SLC26A2: variants seen among roughly 807,000 people sequenced by gnomAD.
SLC26A2 encodes solute carrier family 26 member 2, also known as sulfate transporter.
In SLC26A2, 36 loss-of-function variants were observed where a neutral mutation model predicts 41.1. The observed-to-expected ratio is 0.88, with a 90% CI of 0.67 to 1.16. The LOEUF is 1.16. Among genes scored for constraint, SLC26A2 ranks in the 50% most tolerant of loss-of-function variants. The pLI is 0.00. For synonymous variants in SLC26A2, 291 were observed against 311.6 expected, an observed-to-expected ratio of 0.93 and a Z score of 0.70; for missense variants, 796 against 869.6, an observed-to-expected ratio of 0.92 and a Z score of 1.07.
chr5:149,960,881 G>A lies in SLC26A2; in HGVS notation c.-124G>A, dbSNP rs921669855. 1 of 152,326 alleles carries A rather than the reference G, an allele frequency of 6.6e-6. No homozygotes were observed. The highest frequency in any genetic ancestry group is 2.4e-5 in the African/African-American group (1 of 41,466). 9.4% of individuals were successfully genotyped at this position (152,326 alleles called of 1,614,324 possible). ...GATGGGCGGGGAAAGGGACAGGCAG[G>A]TATAGCTCTGTCGGCGCCGCGGTGT... is the stretch of plus-strand genomic sequence containing the variant. On this transcript the variant is annotated 5_prime_UTR_variant, in exon 1 of 3. Coordinates refer to ENST00000286298, the MANE Select transcript of SLC26A2 (RefSeq NM_000112.4).
chr5:149,961,450 C>T (rs1458864056), intron 1 of SLC26A2, among the ~76,000 whole-genome samples: 3 of 152,194 alleles, frequency 2.0e-5, no homozygotes, highest in African/African-American at 7.2e-5. Flanking sequence ...AGGACCTGTT[C>T]TTTCGGACTC....
chr5:149,971,600 A>G (rs138277068), intron 1 of SLC26A2, among the ~76,000 whole-genome samples: 1 of 151,698 alleles, frequency 6.6e-6, no homozygotes, highest in Non-Finnish European at 1.5e-5. Flanking sequence ...GGTTTTCATC[A>G]TGTTGCCCAG....
Position 149,977,956 on chromosome 5 carries a change from T to C in SLC26A2, c.304T>C (p.Tyr102His). Residue 102 changes from tyrosine to histidine, a missense_variant, in exon 2 of 3, where the codon TAC (tyrosine) becomes CAC (histidine). Coordinates refer to ENST00000286298, the MANE Select transcript of SLC26A2 (RefSeq NM_000112.4). ...TCCTGTTTTGCAGTGGCTCCCAAAA[T>C]ACGACCTAAAGAAAAACATTTTAGG... The part of the protein sequence containing the change: ...FLPVLQWLPK[Y>H]DLKKNILGDV... 6.2e-7 allele frequency: 1 copy of C among 1,614,226 alleles called. No homozygotes were observed.
chr5:149,980,868 TATC>T lies in SLC26A2; in HGVS notation c.1279_1281del (p.Ile427del), dbSNP rs1174821568. On this transcript the variant is annotated inframe_deletion, in exon 3 of 3. Transcript: ENST00000286298. ...AAATGTATGCCATTGGCTTTTGTAA[TATC>T]ATCCCTTCCTTCTTCCACTGTTTTA... 2 of 1,614,144 alleles carry T rather than the reference TATC, an allele frequency of 1.2e-6. No homozygotes were observed. Among genetic ancestry groups the T allele is most frequent in the East Asian group, 4.5e-5 (2 of 44,890 alleles).
intron 1 of SLC26A2, among the ~76,000 whole-genome samples, chr5:149,962,576 C>A (rs1322869159): frequency 6.6e-6 from 1 of 152,136 alleles, no homozygotes; most frequent in Non-Finnish European, 1.5e-5. Context: ...TGAGCTCAAG[C>A]AATCCTCCTG....
At chr5:149,975,896 G>T (rs549945909) in intron 1 of SLC26A2, among the ~76,000 whole-genome samples, 28 of 152,152 alleles carry the variant, frequency 1.8e-4, no homozygotes, top group Admixed American at 6.5e-4. Context: ...AGTGGCTCGT[G>T]CCTGTTATCC....
At chr5:149,968,134 T>C (rs1420854696) in intron 1 of SLC26A2, among the ~76,000 whole-genome samples, 3 of 152,214 alleles carry the variant, frequency 2.0e-5, no homozygotes, top group Non-Finnish European at 2.9e-5. Context: ...ATATTCCATT[T>C]TATGGTTATA....
At position 149,981,995 on chromosome 5, in the gene SLC26A2, C is replaced by G. The variant is rs770082455; in HGVS notation, c.*182C>G. The G allele has an allele frequency of 2.5e-5, 15 of 590,502 alleles. No homozygotes were observed. Among genetic ancestry groups the G allele is most frequent in the Non-Finnish European group, 3.9e-5 (13 of 336,312 alleles). 36.6% of individuals were successfully genotyped at this position (590,502 alleles called of 1,614,324 possible). Reference sequence around the variant, plus strand: ...CACTGCAGCAGAGCTTGTAGCTGGACAGAGTCAAAAAGAAGAAAATACGGT... The same window carrying G: ...CACTGCAGCAGAGCTTGTAGCTGGAGAGAGTCAAAAAGAAGAAAATACGGT... On this transcript the variant is annotated 3_prime_UTR_variant, in exon 3 of 3. Coordinates refer to ENST00000286298, the MANE Select transcript of SLC26A2 (RefSeq NM_000112.4).
rs1191002822 is a variant in SLC26A2 at position 149,982,357 on chromosome 5, TAGGAA to T, written c.*547_*551del. 1.3e-5 allele frequency: 2 copies of T among 153,192 alleles called. No homozygotes were observed. Among genetic ancestry groups the T allele is most frequent in the Admixed American group, 1.3e-4 (2 of 15,432 alleles). The allele number at this position is 153,192 out of a possible 1,614,324, so 9.5% of individuals were successfully genotyped here. A position where few individuals can be genotyped will look rare whatever the true frequency, so the allele number is the denominator to read the frequency against. On this transcript the variant is annotated 3_prime_UTR_variant, in exon 3 of 3. Transcript: ENST00000286298. ...CTCCCCAGATGGCAGTAGTTTTTAG[TAGGAA>T]AGTGCCATTCCTGTCCTTAAGGCAC...
chr5:149,978,465 G>A (rs1220578350), intron 2 of SLC26A2, 114 bp downstream of exon 2: 1 of 976,442 alleles, frequency 1.0e-6, no homozygotes, highest in African/African-American at 1.6e-5. Context: ...TTTATTGAGA[G>A]TTCAGGATAT....
chr5:149,981,324 C>A lies in SLC26A2; in HGVS notation c.1731C>A (p.Gly577=). 6.2e-7 allele frequency: 1 copy of A among 1,614,098 alleles called. No homozygotes were observed. Among genetic ancestry groups the A allele is most frequent in the South Asian group, 1.1e-5 (1 of 91,072 alleles). The change falls in exon 3 of 3, where the codon GGC becomes GGA. Residue 577 remains glycine (G), a synonymous_variant. Transcript: ENST00000286298. ...SAYKNLQIKP[G]IKIFRFVAPL... ...ACAAGAACCTTCAGATTAAGCCAGG[C>A]ATCAAGATTTTCCGCTTTGTAGCCC...
At position 149,981,871 on chromosome 5, in the gene SLC26A2, A is replaced by C; in HGVS notation, c.*58A>C. 1 of 1,374,122 alleles carries C rather than the reference A, an allele frequency of 7.3e-7. No individual in the cohort carries two copies. The highest frequency in any genetic ancestry group is 1.2e-5 in the South Asian group (1 of 83,194). 85.1% of individuals were successfully genotyped at this position (1,374,122 alleles called of 1,614,324 possible). Reference sequence around the variant, plus strand: ...TAGGTTAAAATTTCAAGTGTCCAACATTTCCCAGTTCCACAGTGGGAAATT... The same window carrying C: ...TAGGTTAAAATTTCAAGTGTCCAACCTTTCCCAGTTCCACAGTGGGAAATT... On this transcript the variant is annotated 3_prime_UTR_variant, in exon 3 of 3. Coordinates refer to ENST00000286298, the MANE Select transcript of SLC26A2 (RefSeq NM_000112.4).
At chr5:149,967,977 C>CT (rs766792282) in intron 1 of SLC26A2, among the ~76,000 whole-genome samples, 1,893 of 141,028 alleles carry the variant, frequency 0.013, 34 homozygotes, top group African/African-American at 0.045. Context: ...CTTTTGTGTC[C>CT]TTTTTTTTTT....
At position 149,980,276 on chromosome 5, in the gene SLC26A2, T is replaced by C; in HGVS notation, c.700-17T>C. Reference sequence around the variant, plus strand: ...CTTTTCCATTTATATTTAACACTTCTATATCCTTCCTTCCAGGTAGCGATG... The same window carrying C: ...CTTTTCCATTTATATTTAACACTTCCATATCCTTCCTTCCAGGTAGCGATG... On this transcript the variant is annotated splice_polypyrimidine_tract_variant and intron_variant, in intron 2 of 2. Transcript: ENST00000286298. The C allele has an allele frequency of 6.2e-7, 1 of 1,603,622 alleles. No homozygotes were observed. Among genetic ancestry groups the C allele is most frequent in the Non-Finnish European group, 8.5e-7 (1 of 1,170,370 alleles).
chr5:149,972,475 T>C (rs1319398746), intron 1 of SLC26A2, among the ~76,000 whole-genome samples: 1 of 152,148 alleles, frequency 6.6e-6, no homozygotes, highest in Non-Finnish European at 1.5e-5. Flanking sequence ...ATGTGTAGAG[T>C]AGCTGAATTT....
rs184150426 is a variant in SLC26A2 at position 149,963,435 on chromosome 5, C to T, written c.-26+2456C>T. Among the ~76,000 whole-genome samples, 352 of 152,236 alleles carry T rather than the reference C, an allele frequency of 2.3e-3. 2 individuals are homozygous for T. The highest frequency in any genetic ancestry group is 8.0e-3 in the African/African-American group (333 of 41,540). On this transcript the variant is annotated intron_variant, in intron 1 of 2. Transcript: ENST00000286298. ...CTGGGACCACAGGCATGTGCCACCA[C>T]GTCCGGCTAATCTTTTTATTTTTAG... is the stretch of plus-strand genomic sequence containing the variant.
In SLC26A2 at chr5:149,984,228, T is replaced by A. The variant is rs182094898; in HGVS notation, c.*2415T>A. 1.3e-5 allele frequency: 2 copies of A among 152,364 alleles called. No homozygotes were observed. The highest frequency in any genetic ancestry group is 4.8e-5 in the African/African-American group (2 of 41,590). The allele number at this position is 152,364 out of a possible 1,614,324, so 9.4% of individuals were successfully genotyped here. A position where few individuals can be genotyped will look rare whatever the true frequency, so the allele number is the denominator to read the frequency against. On this transcript the variant is annotated 3_prime_UTR_variant, in exon 3 of 3. Transcript: ENST00000286298. ...CTTTTGGTAGCCATCTGTAGAAACA[T>A]TTAAGATGTCACTAGAATTTACATT...
At chr5:149,973,456 T>G (rs1754938300) in intron 1 of SLC26A2, among the ~76,000 whole-genome samples, 1 of 151,990 alleles carries the variant, frequency 6.6e-6, no homozygotes, top group Admixed American at 6.6e-5. Context: ...TCTCTCTCTG[T>G]GTGTCTCTCT....
chr5:149,977,103 T>C (rs1257706145), intron 1 of SLC26A2, among the ~76,000 whole-genome samples: 1 of 152,216 alleles, frequency 6.6e-6, no homozygotes, highest in African/African-American at 2.4e-5. Flanking sequence ...CAACCTACTT[T>C]TCTATTTATT....
Sources: gnomAD v4.1 joint callset for allele counts (sites outside exome capture counted in the v4.1 genomes callset) on GRCh38, gnomAD v4.1.1 for gene constraint, MANE v1.5 for transcripts, NCBI Gene and HGNC (gene_info 2026-07-23, HGNC 2026-07-21) for gene names.